SLC9B2: variants seen among roughly 807,000 people sequenced by gnomAD.
The protein encoded by SLC9B2 is solute carrier family 9 member B2.
In SLC9B2, 39 loss-of-function variants were observed where a neutral mutation model predicts 52.2. The observed-to-expected ratio is 0.75, with a 90% CI of 0.58 to 0.98. SLC9B2 has a LOEUF of 0.98. Among genes scored for constraint, SLC9B2 ranks in the 50% least tolerant of loss-of-function variants. The probability of loss-of-function intolerance (pLI) is 0.00; values close to 1 mark genes in which losing one functional copy is unlikely to be tolerated. For missense variants in SLC9B2, 626 were observed against 637.5 expected, an observed-to-expected ratio of 0.98 and a Z score of 0.19; for synonymous variants, 214 against 227.0, an observed-to-expected ratio of 0.94 and a Z score of 0.51.
intron 7 of SLC9B2, among the ~76,000 whole-genome samples, chr4:103,046,162 T>C (rs1034549729): frequency 3.9e-5 from 6 of 152,142 alleles, no homozygotes; most frequent in African/African-American, 7.2e-5. Flanking sequence ...GAGATAACTA[T>C]AGGGAGATAA....
intron 11 of SLC9B2, 52 bp from the exon 12 acceptor site, chr4:103,026,643 A>T (rs1245060384): frequency 6.6e-7 from 1 of 1,523,736 alleles, no homozygotes; most frequent in East Asian, 2.3e-5. Flanking sequence ...AGCACATATA[A>T]AAAAAGTGAG....
intron 1 of SLC9B2, among the ~76,000 whole-genome samples, chr4:103,070,443 T>A (rs181162687): frequency 6.6e-6 from 1 of 152,316 alleles, no homozygotes; most frequent in East Asian, 1.9e-4. Context: ...TTGTTTTGTT[T>A]GTTTGTTTGA....
At position 103,067,443 on chromosome 4, in the gene SLC9B2, ATC is replaced by A; in HGVS notation, c.90+16_90+17del. On this transcript the variant is annotated intron_variant, in intron 2 of 11. Coordinates refer to ENST00000394785, the MANE Select transcript of SLC9B2 (RefSeq NM_178833.7). ...TAGAATATGAAGAAAACACAATTCTATCACAGCTTAGATTTACCTGTGCTTCT... is the reference window on the plus strand; with the variant it reads ...TAGAATATGAAGAAAACACAATTCTAACAGCTTAGATTTACCTGTGCTTCT... 3 of 1,605,090 alleles carry A rather than the reference ATC, an allele frequency of 1.9e-6. No homozygotes were observed. The highest frequency in any genetic ancestry group is 1.3e-5 in the African/African-American group (1 of 74,898).
intron 9 of SLC9B2, among the ~76,000 whole-genome samples, chr4:103,040,129 A>C (rs1348978770): frequency 1.3e-5 from 2 of 152,216 alleles, no homozygotes; most frequent in African/African-American, 4.8e-5. Flanking sequence ...GCTCTTCAAA[A>C]AAATTAAAAC....
intron 5 of SLC9B2, among the ~76,000 whole-genome samples, chr4:103,049,713 A>G (rs1031106159): frequency 9.2e-5 from 14 of 152,198 alleles, no homozygotes; most frequent in African/African-American, 3.4e-4. Context: ...CCTTTCTCCA[A>G]GGAAGAGAAT....
At chr4:103,049,061 G>T (rs1290745006) in intron 5 of SLC9B2, 41 bp from the exon 6 acceptor site, 2 of 1,600,210 alleles carry the variant, frequency 1.2e-6, no homozygotes, top group South Asian at 2.3e-5. Context: ...ATCCTCTGAA[G>T]ATGTGCAGAG....
intron 4 of SLC9B2, among the ~76,000 whole-genome samples, chr4:103,056,653 C>T (rs1164585001): frequency 6.6e-6 from 1 of 152,194 alleles, no homozygotes; most frequent in Non-Finnish European, 1.5e-5. Context: ...TTAAATTTTA[C>T]TGATATAAAG....
rs1211351235 is a variant in SLC9B2, at chr4:103,062,928, C to T, written c.271+3399G>A. Among the ~76,000 whole-genome samples, 4 of 152,126 alleles carry T rather than the reference C, an allele frequency of 2.6e-5. No individual in the cohort carries two copies. In the South Asian group the frequency reaches 8.3e-4, roughly 31 times the overall value. ...CCCAGCCTACTTTTTAAGAAGAATA[C>T]TGATATATACTGCATAGGCACAGGA... On this transcript the variant is annotated intron_variant, in intron 3 of 11. Transcript: ENST00000394785.
chr4:103,055,457 T>A (rs1253056449), intron 4 of SLC9B2, among the ~76,000 whole-genome samples: 1 of 152,164 alleles, frequency 6.6e-6, no homozygotes, highest in Non-Finnish European at 1.5e-5. Context: ...AAAGTTTCCA[T>A]GAGAAATAAT....
chr4:103,025,689 G>C lies in SLC9B2; in HGVS notation c.*681C>G, dbSNP rs949428509. 2 of 152,150 alleles carry C rather than the reference G, an allele frequency of 1.3e-5. No homozygotes were observed. The highest frequency in any genetic ancestry group is 2.9e-5 in the Non-Finnish European group (2 of 68,060). The allele number at this position is 152,150 out of a possible 1,614,324, so 9.4% of individuals were successfully genotyped here. The stretch of plus-strand genomic sequence containing the variant: ...AAGGGCTGGATTAGGGCACTCCTTA[G>C]GGGAAGGTAGACTCACATGGGCCAC... On this transcript the variant is annotated 3_prime_UTR_variant, in exon 12 of 12. Transcript: ENST00000394785.
intron 4 of SLC9B2, 90 bp from the exon 5 acceptor site, chr4:103,050,472 C>A: frequency 2.6e-6 from 3 of 1,168,522 alleles, no homozygotes; most frequent in Non-Finnish European, 3.3e-6. Flanking sequence ...ACTATATAAT[C>A]CCAGGAACCA....
rs893138019 is a variant in SLC9B2 at position 103,028,746 on chromosome 4, C to T, written c.1392+1G>A. 4.4e-6 allele frequency: 7 copies of T among 1,607,568 alleles called. No individual in the cohort carries two copies. Among genetic ancestry groups the T allele is most frequent in the Admixed American group, 1.7e-5 (1 of 58,404 alleles). ...ATGCTAAGCCATCCTATCCATCATA[C>T]CTGAACTGTGGCCTTTGGAAGCCAT... On this transcript the variant is annotated splice_donor_variant, in intron 11 of 11. Transcript: ENST00000394785. LOFTEE classifies it high-confidence loss of function.
At chr4:103,040,275 T>C (rs974304392) in intron 9 of SLC9B2, among the ~76,000 whole-genome samples, 8 of 152,194 alleles carry the variant, frequency 5.3e-5, no homozygotes, top group Non-Finnish European at 1.2e-4. Flanking sequence ...AGTCCTCAAA[T>C]GTATTTCATA....
rs1279522798 is a variant in SLC9B2, at chr4:103,048,985, C to G, written c.621G>C (p.Leu207=). 6.2e-7 allele frequency: 1 copy of G among 1,613,902 alleles called. No individual in the cohort carries two copies. The highest frequency in any genetic ancestry group is 8.5e-7 in the Non-Finnish European group (1 of 1,179,844). ...CCTCCACAATACAGGGACCCATGGA[C>G]AGTCTTACACAAACGCCCTTTAACT... ...LKKLKGVCVR[L]SMGPCIVEAC... The change falls in exon 6 of 12, where the codon CTG becomes CTC. Residue 207 remains leucine (L), a synonymous_variant. Transcript: ENST00000394785.
chr4:103,055,003 G>A (rs909768942), intron 4 of SLC9B2, among the ~76,000 whole-genome samples: 35 of 152,104 alleles, frequency 2.3e-4, no homozygotes, highest in African/African-American at 1.2e-4. Context: ...GTCCAACAAT[G>A]ATAGACTGGA....
At chr4:103,059,018 G>A (rs928864398) in intron 3 of SLC9B2, among the ~76,000 whole-genome samples, 3 of 152,038 alleles carry the variant, frequency 2.0e-5, no homozygotes, top group Admixed American at 2.0e-4. Context: ...AGTGTGCTAC[G>A]ATTGCACCAC....
At chr4:103,048,753 A>G (rs1043848715) in intron 6 of SLC9B2, 140 bp downstream of exon 6, 2 of 1,052,462 alleles carry the variant, frequency 1.9e-6, no homozygotes, top group South Asian at 1.8e-5. Context: ...TGAAGTTAGA[A>G]TATTTAAATT....
chr4:103,047,332 C>T (rs1744242972), intron 6 of SLC9B2, 106 bp from the exon 7 acceptor site: 58 of 887,412 alleles, frequency 6.5e-5, no homozygotes, highest in East Asian at 2.8e-4. Context: ...CAACAACAGT[C>T]TTTCTTTTTT....
intron 4 of SLC9B2, among the ~76,000 whole-genome samples, chr4:103,050,916 T>C (rs950618109): frequency 2.0e-5 from 3 of 152,228 alleles, no homozygotes; most frequent in Non-Finnish European, 2.9e-5. Flanking sequence ...CACTCAGTCA[T>C]TCAACTGTAC....
Sources: gnomAD v4.1 joint callset for allele counts (sites outside exome capture counted in the v4.1 genomes callset) on GRCh38, gnomAD v4.1.1 for gene constraint, MANE v1.5 for transcripts, NCBI Gene and HGNC (gene_info 2026-07-23, HGNC 2026-07-21) for gene names.